The following BRINP1 variants were observed in gnomAD, a reference collection of about 807,000 sequenced individuals.
The protein encoded by BRINP1 is BMP/retinoic acid inducible neural specific 1, also known as BMP/retinoic acid-inducible neural-specific protein 1.
Under a neutral mutation model 72.9 loss-of-function variants are expected in BRINP1, and 17 were observed. The ratio of observed to expected loss-of-function variants is 0.23; its 90% confidence interval spans 0.16 to 0.35. BRINP1 has a LOEUF of 0.35. Among genes scored for constraint, BRINP1 ranks in the 10% least tolerant of loss-of-function variants. BRINP1 has a pLI of 1.00. For synonymous variants in BRINP1, 418 were observed against 378.5 expected (o/e 1.10, Z -1.21); for missense variants, 850 against 1,001.6 (o/e 0.85, Z 2.04).
chr9:119,234,710 T>A (rs990470670), intron 5 of BRINP1, among the ~76,000 whole-genome samples: 2 of 152,120 alleles, frequency 1.3e-5, no homozygotes, highest in African/African-American at 2.4e-5. Flanking sequence ...CACTCAAAAA[T>A]CATGAGATAA....
At chr9:119,199,585 C>T (rs1383951561) in intron 7 of BRINP1, among the ~76,000 whole-genome samples, 1 of 152,114 alleles carries the variant, frequency 6.6e-6, no homozygotes. Flanking sequence ...AAAGACCAAG[C>T]ATCATCAGAA....
At chr9:119,344,433 T>G (rs1831432351) in intron 1 of BRINP1, among the ~76,000 whole-genome samples, 1 of 152,236 alleles carries the variant, frequency 6.6e-6, no homozygotes, top group Non-Finnish European at 1.5e-5. Flanking sequence ...AAGGTCATAC[T>G]GTCTTGCTCA....
chr9:119,335,942 A>T (rs80322988), intron 1 of BRINP1, among the ~76,000 whole-genome samples: 1 of 152,138 alleles, frequency 6.6e-6, no homozygotes, highest in African/African-American at 2.4e-5. Flanking sequence ...AACCACTAAG[A>T]TTTCGTGCAG....
intron 1 of BRINP1, among the ~76,000 whole-genome samples, chr9:119,330,122 T>G (rs1364844194): frequency 1.3e-5 from 2 of 152,206 alleles, no homozygotes; most frequent in African/African-American, 4.8e-5. Context: ...CCAATTTTTT[T>G]TAACCTTTTC....
At chr9:119,279,032 TACAGAGATGAGATCTAC>T (rs1830683644) in intron 2 of BRINP1, among the ~76,000 whole-genome samples, 1 of 92,650 alleles carries the variant, frequency 1.1e-5, no homozygotes, top group Non-Finnish European at 2.3e-5. Context: ...AAAACTGAGG[TACAGAGATGAGATCTAC>T]ACTGATTTAC....
Position 119,214,022 on chromosome 9 carries a change from A to C in BRINP1, c.819T>G (p.Phe273Leu). 3 of 1,614,122 alleles carry C rather than the reference A, an allele frequency of 1.9e-6. No homozygotes were observed. The highest frequency in any genetic ancestry group is 2.5e-6 in the Non-Finnish European group (3 of 1,180,026). ...CCGTGATGGGGCAGTTGCACTGCGG[A>C]AACTCCTCGGCACATTGGCAGCGAC... The part of the protein sequence containing the change: ...SQCRCQCAEE[F>L]PQCNCPITDI... The change falls in exon 6 of 8, where the codon TTT (phenylalanine) becomes TTG (leucine). Residue 273 changes from phenylalanine (F) to leucine (L), a missense_variant. Physicochemically the swap from Phe to Leu is conservative, Grantham distance 22 (BLOSUM62 0). Coordinates refer to ENST00000265922, the MANE Select transcript of BRINP1 (RefSeq NM_014618.3).
intron 2 of BRINP1, among the ~76,000 whole-genome samples, chr9:119,271,288 G>C (rs1026909844): frequency 2.0e-5 from 3 of 147,994 alleles, no homozygotes; most frequent in African/African-American, 7.5e-5. Flanking sequence ...GAGAATGATG[G>C]AAAGAGGGAC....
intron 7 of BRINP1, among the ~76,000 whole-genome samples, chr9:119,173,604 C>T (rs1829445026): frequency 6.6e-6 from 1 of 151,776 alleles, no homozygotes. Flanking sequence ...CCCCATCAAG[C>T]TACCAATGAC....
chr9:119,217,732 ATAT>A (rs1330069684), intron 5 of BRINP1, among the ~76,000 whole-genome samples: 1 of 151,908 alleles, frequency 6.6e-6, no homozygotes, highest in Non-Finnish European at 1.5e-5. Context: ...GTGTGCTGAG[ATAT>A]TATTTCTCTT....
chr9:119,262,813 G>A (rs1039776305), intron 2 of BRINP1, among the ~76,000 whole-genome samples: 2 of 152,124 alleles, frequency 1.3e-5, no homozygotes, highest in Non-Finnish European at 2.9e-5. Context: ...AAAATGAACA[G>A]TTGGAGTGGA....
chr9:119,184,809 C>A (rs1649936497), intron 7 of BRINP1, among the ~76,000 whole-genome samples: 1 of 152,124 alleles, frequency 6.6e-6, no homozygotes, highest in African/African-American at 2.4e-5. Flanking sequence ...GAATCTTCCC[C>A]TTGAGGAAGA....
In BRINP1 at chr9:119,167,273, A is replaced by C. The variant is rs757663419; in HGVS notation, c.2097T>G (p.Ile699Met). 7.4e-6 allele frequency: 12 copies of C among 1,614,164 alleles called. No individual in the cohort carries two copies. In the Admixed American group the frequency reaches 1.0e-4, roughly 13 times the overall value. Residue 699 changes from isoleucine (I) to methionine (M), a missense_variant, in exon 8 of 8, where the codon ATT becomes ATG. Ile to Met is a conservative substitution (Grantham distance 10). Coordinates refer to ENST00000265922, the MANE Select transcript of BRINP1 (RefSeq NM_014618.3). The surrounding 1 kb of genome is among the most constrained non-coding windows in gnomAD (Gnocchi z 4.3). ...SSSVMLLLLD[I>M]RDRINRLAPP... ...GGGCCAGGCGATTAATTCGGTCCCG[A>C]ATATCCAACAAGAGGAGCATCACTG...
chr9:119,219,505 T>C (rs1470877753), intron 5 of BRINP1, among the ~76,000 whole-genome samples: 2 of 152,096 alleles, frequency 1.3e-5, no homozygotes, highest in African/African-American at 4.8e-5. Context: ...CCATTTATCT[T>C]TCCTTTCTTT....
chr9:119,222,667 T>C (rs533724567), intron 5 of BRINP1, among the ~76,000 whole-genome samples: 16 of 151,720 alleles, frequency 1.1e-4, no homozygotes, highest in Admixed American at 8.5e-4. Context: ...GGAACCTACC[T>C]TGTAGTGAGG....
intron 5 of BRINP1, among the ~76,000 whole-genome samples, chr9:119,229,665 T>C (rs1312542012): frequency 6.6e-6 from 1 of 151,856 alleles, no homozygotes; most frequent in African/African-American, 2.4e-5. Context: ...TCCAAAGCAA[T>C]AGCAAAAACA....
intron 2 of BRINP1, among the ~76,000 whole-genome samples, chr9:119,284,370 C>T (rs1830740360): frequency 6.6e-6 from 1 of 152,182 alleles, no homozygotes; most frequent in African/African-American, 2.4e-5. Context: ...CCTAACTCAG[C>T]CATCCTCTGA....
At chr9:119,283,291 G>T in intron 2 of BRINP1, 1 of 616,404 alleles carries the variant, frequency 1.6e-6, no homozygotes, top group Non-Finnish European at 2.0e-6. Flanking sequence ...AAAATCTCCA[G>T]CCCTGCCCCA....
intron 2 of BRINP1, among the ~76,000 whole-genome samples, chr9:119,308,101 ATTAACTTATCACTG>A (rs1831016940): frequency 6.6e-6 from 1 of 152,254 alleles, no homozygotes; most frequent in African/African-American, 2.4e-5. Context: ...AATATTAGCA[ATTAACTTATCACTG>A]TTGTGATGAT....
chr9:119,214,189 G>C (rs564282247), intron 5 of BRINP1, 34 bp from the exon 6 acceptor site: 2 of 1,519,024 alleles, frequency 1.3e-6, no homozygotes, highest in Admixed American at 3.5e-5. Flanking sequence ...AAAACAGAAA[G>C]GTTTAAAAAA....
Sources: allele counts gnomAD v4.1 joint callset (sites outside exome capture counted in the v4.1 genomes callset), GRCh38; gene constraint gnomAD v4.1.1; non-coding constraint Gnocchi (gnomAD v3.1); transcripts MANE v1.5; gene names NCBI Gene and HGNC (gene_info 2026-07-23, HGNC 2026-07-21).